Variants in SLC27A2 observed in about 807,000 individuals in gnomAD.
SLC27A2 encodes the protein solute carrier family 27 member 2.
In SLC27A2, 54 loss-of-function variants were observed where a neutral mutation model predicts 60.0. The ratio of observed to expected loss-of-function variants is 0.90; its 90% confidence interval spans 0.72 to 1.13. The LOEUF (loss-of-function observed/expected upper bound fraction) is 1.13. Among genes scored for constraint, SLC27A2 ranks in the 50% most tolerant of loss-of-function variants. SLC27A2 has a pLI of 0.00. For synonymous variants in SLC27A2, 297 were observed against 297.6 expected (o/e 1.00, Z 0.02); for missense variants, 739 against 777.6 (o/e 0.95, Z 0.59).
At chr15:50,205,900 TA>T (rs1329349658) in intron 4 of SLC27A2, among the ~76,000 whole-genome samples, 1 of 152,182 alleles carries the variant, frequency 6.6e-6, no homozygotes, top group African/African-American at 2.4e-5. Flanking sequence ...TAATGCTGTT[TA>T]ACAAATAAAT....
intron 4 of SLC27A2, among the ~76,000 whole-genome samples, chr15:50,207,368 AC>A (rs747333552): frequency 1.3e-4 from 20 of 152,084 alleles, no homozygotes; most frequent in Non-Finnish European, 2.6e-4. Context: ...ATCTTGAATG[AC>A]CCCTGGACTT....
intron 1 of SLC27A2, among the ~76,000 whole-genome samples, chr15:50,187,352 C>T (rs754387050): frequency 6.6e-6 from 1 of 152,242 alleles, no homozygotes; most frequent in Non-Finnish European, 1.5e-5. Flanking sequence ...AGTAGTTTTT[C>T]ACCCAACTTT....
At chr15:50,204,155 C>G (rs2045088927) in intron 3 of SLC27A2, among the ~76,000 whole-genome samples, 1 of 152,096 alleles carries the variant, frequency 6.6e-6, no homozygotes, top group South Asian at 2.1e-4. Flanking sequence ...GTTTTATGCA[C>G]AAAGTTATTT....
intron 5 of SLC27A2, among the ~76,000 whole-genome samples, chr15:50,225,725 T>C (rs2045273338): frequency 1.3e-5 from 2 of 152,214 alleles, no homozygotes; most frequent in African/African-American, 4.8e-5. Flanking sequence ...GAAGCATACA[T>C]TTATTTCATT....
chr15:50,208,320 T>G lies in SLC27A2; in HGVS notation c.972+2957T>G, dbSNP rs567403256. Among the ~76,000 whole-genome samples the G allele has an allele frequency of 9.2e-5, 14 of 152,302 alleles. No individual in the cohort carries two copies. The South Asian group carries it at 2.7e-3, about 29-fold the overall frequency. On this transcript the variant is annotated intron_variant, in intron 4 of 9. Coordinates refer to ENST00000267842, the MANE Select transcript of SLC27A2 (RefSeq NM_003645.4). ...GCCCTGCTCAGGTCAGTGGTTCAGA[T>G]TTGGCCCCAGGTACTTAAAGTAATG...
At chr15:50,210,860 A>G (rs773262414) in intron 4 of SLC27A2, among the ~76,000 whole-genome samples, 2 of 152,150 alleles carry the variant, frequency 1.3e-5, no homozygotes, top group Non-Finnish European at 2.9e-5. Flanking sequence ...TGTGACTGCC[A>G]ACTTTCCCCC....
At chr15:50,204,514 A>G (rs979457572) in intron 3 of SLC27A2, among the ~76,000 whole-genome samples, 1 of 152,006 alleles carries the variant, frequency 6.6e-6, no homozygotes, top group East Asian at 1.9e-4. Context: ...GGTACAGATC[A>G]CGAGGTCAGG....
intron 1 of SLC27A2, among the ~76,000 whole-genome samples, chr15:50,187,074 C>G (rs1165286542): frequency 6.6e-6 from 1 of 152,190 alleles, no homozygotes; most frequent in Non-Finnish European, 1.5e-5. Flanking sequence ...TTCTTTATAA[C>G]ACTTAACAGG....
In SLC27A2 at chr15:50,197,694, A is replaced by G; in HGVS notation, c.673A>G (p.Thr225Ala). The G allele has an allele frequency of 1.2e-6, 2 of 1,611,846 alleles. No individual in the cohort carries two copies. The highest frequency in any genetic ancestry group is 1.7e-6 in the Non-Finnish European group (2 of 1,178,070). Reference protein sequence around the residue: ...TFSTPALYIYTSGTTGLPKAA... With the variant: ...TFSTPALYIYASGTTGLPKAA... Reference sequence around the variant, plus strand: ...TTCCACTCCTGCCTTATACATTTATACTTCTGGAACCACAGGTAAAAATAA... The same window carrying G: ...TTCCACTCCTGCCTTATACATTTATGCTTCTGGAACCACAGGTAAAAATAA... The change falls in exon 2 of 10, where the codon ACT becomes GCT. Residue 225 changes from threonine to alanine, a missense_variant. Coordinates refer to ENST00000267842, the MANE Select transcript of SLC27A2 (RefSeq NM_003645.4).
At chr15:50,206,338 A>AT (rs1397166785) in intron 4 of SLC27A2, among the ~76,000 whole-genome samples, 1 of 152,162 alleles carries the variant, frequency 6.6e-6, no homozygotes, top group Non-Finnish European at 1.5e-5. Context: ...AACTCACCAG[A>AT]TTCTAATCCC....
At position 50,202,652 on chromosome 15, in the gene SLC27A2, T is replaced by G; in HGVS notation, c.847+7T>G. ...CACGGATGTATTGTGGCTGGTAAGCTTTTTCTACAAAATGTTGGAGGCGAG... is the reference window on the plus strand; with the variant it reads ...CACGGATGTATTGTGGCTGGTAAGCGTTTTCTACAAAATGTTGGAGGCGAG... On this transcript the variant is annotated splice_region_variant and intron_variant, in intron 3 of 9. Coordinates refer to ENST00000267842, the MANE Select transcript of SLC27A2 (RefSeq NM_003645.4). 1.2e-6 allele frequency: 2 copies of G among 1,610,284 alleles called. No individual in the cohort carries two copies. The highest frequency in any genetic ancestry group is 1.7e-6 in the Non-Finnish European group (2 of 1,176,846).
At position 50,226,896 on chromosome 15, in the gene SLC27A2, T is replaced by C. The variant is rs941390180; in HGVS notation, c.1259-84T>C. On this transcript the variant is annotated intron_variant, in intron 6 of 9. Coordinates refer to ENST00000267842, the MANE Select transcript of SLC27A2 (RefSeq NM_003645.4). The stretch of plus-strand genomic sequence containing the variant: ...CTACAGCCAGCTTGTTGCCAGCAGG[T>C]TGTATGGCATTAGTTTTAAGAGAAG... 45 of 1,100,046 alleles carry C rather than the reference T, an allele frequency of 4.1e-5. No homozygotes were observed. The Admixed American group carries it at 1.1e-3, about 27-fold the overall frequency. The allele number at this position is 1,100,046 out of a possible 1,614,324, so 68.1% of individuals were successfully genotyped here.
At chr15:50,216,620 A>G (rs201608799) in intron 4 of SLC27A2, among the ~76,000 whole-genome samples, 12,768 of 34,916 alleles carry the variant, frequency 0.37, 1,002 homozygotes, top group East Asian at 0.49. Context: ...GTATATATAT[A>G]TATATATATA....
At chr15:50,207,013 C>T (rs1038562383) in intron 4 of SLC27A2, among the ~76,000 whole-genome samples, 1 of 152,128 alleles carries the variant, frequency 6.6e-6, no homozygotes, top group African/African-American at 2.4e-5. Context: ...ACGTGGCCTC[C>T]AAGATAGCAT....
chr15:50,195,162 CT>C (rs2045003358), intron 1 of SLC27A2, among the ~76,000 whole-genome samples: 1 of 152,056 alleles, frequency 6.6e-6, no homozygotes, highest in Non-Finnish European at 1.5e-5. Context: ...GAAGAAACAG[CT>C]TTTAAAAAAT....
chr15:50,208,607 C>A (rs1469839386), intron 4 of SLC27A2, among the ~76,000 whole-genome samples: 2 of 152,056 alleles, frequency 1.3e-5, no homozygotes, highest in Non-Finnish European at 2.9e-5. Flanking sequence ...TAATAAGTAC[C>A]CCATACATAT....
intron 1 of SLC27A2, among the ~76,000 whole-genome samples, chr15:50,186,410 C>T (rs1450563794): frequency 1.5e-5 from 2 of 131,940 alleles, no homozygotes; most frequent in Admixed American, 7.8e-5. Flanking sequence ...TCTAGTTTCC[C>T]ATTGTTTTTC....
At chr15:50,213,295 A>G (rs1042020964) in intron 4 of SLC27A2, among the ~76,000 whole-genome samples, 15 of 152,166 alleles carry the variant, frequency 9.9e-5, no homozygotes, top group African/African-American at 3.4e-4. Context: ...GGAGCTCCCA[A>G]ATTTATAAAG....
intron 4 of SLC27A2, among the ~76,000 whole-genome samples, chr15:50,210,666 T>C (rs1256373072): frequency 6.6e-6 from 1 of 152,212 alleles, no homozygotes. Flanking sequence ...GGTGTGAATC[T>C]GGCTTGCAGA....
Sources: gnomAD v4.1 joint callset for allele counts (sites outside exome capture counted in the v4.1 genomes callset) on GRCh38, gnomAD v4.1.1 for gene constraint, MANE v1.5 for transcripts, NCBI Gene and HGNC (gene_info 2026-07-23, HGNC 2026-07-21) for gene names.